PTCD3: variants seen among roughly 807,000 people sequenced by gnomAD.
The protein encoded by PTCD3 is pentatricopeptide repeat domain 3.
PTCD3 carries 89 observed loss-of-function variants against 101.9 expected under a neutral mutation model. That is an observed-to-expected ratio of 0.87 (90% CI 0.74 to 1.04). The LOEUF (loss-of-function observed/expected upper bound fraction) is 1.04, where lower values mean the gene tolerates loss of function less well. Among genes scored for constraint, PTCD3 ranks in the 50% least tolerant of loss-of-function variants. PTCD3 has a pLI of 0.00. For synonymous variants in PTCD3, 296 were observed against 278.5 expected (o/e 1.06, Z -0.63); for missense variants, 870 against 828.2 (o/e 1.05, Z -0.62).
intron 12 of PTCD3, 23 bp from the exon 13 acceptor site, chr2:86,127,138 C>T: frequency 6.3e-7 from 1 of 1,590,712 alleles, no homozygotes; most frequent in Non-Finnish European, 8.6e-7. Flanking sequence ...ATGAAAGATA[C>T]TTCTTGTTTT....
At chr2:86,106,671 C>G (rs1368405861) in intron 1 of PTCD3, among the ~76,000 whole-genome samples, 2 of 152,176 alleles carry the variant, frequency 1.3e-5, no homozygotes, top group Non-Finnish European at 2.9e-5. Flanking sequence ...TAAAAATTAT[C>G]CGCCATTACT....
chr2:86,117,434 T>C (rs1674195162), intron 6 of PTCD3, among the ~76,000 whole-genome samples: 1 of 152,084 alleles, frequency 6.6e-6, no homozygotes, highest in Non-Finnish European at 1.5e-5. Flanking sequence ...ACTACCTCTC[T>C]ATACACATCT....
At chr2:86,118,203 G>C (rs948712632) in intron 6 of PTCD3, among the ~76,000 whole-genome samples, 1 of 152,106 alleles carries the variant, frequency 6.6e-6, no homozygotes, top group African/African-American at 2.4e-5. Context: ...ATCTAGCCTA[G>C]ATCCCTTTAC....
chr2:86,137,446 C>T, intron 23 of PTCD3, 23 bp from the exon 24 acceptor site: 1 of 1,612,742 alleles, frequency 6.2e-7, no homozygotes, highest in African/African-American at 1.3e-5. Flanking sequence ...GCAGTGTAAT[C>T]CTCCATTTTC....
intron 8 of PTCD3, among the ~76,000 whole-genome samples, chr2:86,122,924 C>T (rs988171487): frequency 1.3e-5 from 2 of 152,128 alleles, no homozygotes; most frequent in Non-Finnish European, 2.9e-5. Context: ...ACGTCAGCCT[C>T]ATCCCAGACC....
intron 3 of PTCD3, among the ~76,000 whole-genome samples, chr2:86,109,406 C>A (rs1364110129): frequency 3.8e-4 from 54 of 142,356 alleles, no homozygotes; most frequent in African/African-American, 3.7e-4. Flanking sequence ...GACTCCATCT[C>A]AAAAAAAAAA....
At chr2:86,118,415 C>G (rs980239720) in intron 6 of PTCD3, among the ~76,000 whole-genome samples, 8 of 152,214 alleles carry the variant, frequency 5.3e-5, no homozygotes, top group Non-Finnish European at 4.4e-5. Context: ...ATCCCTACAT[C>G]TCTCTGCTTC....
At chr2:86,131,168 T>G in intron 16 of PTCD3, 62 bp downstream of exon 16, 1 of 1,239,934 alleles carries the variant, frequency 8.1e-7, no homozygotes, top group Non-Finnish European at 1.1e-6. Flanking sequence ...AACTGGAGGG[T>G]TCTCCCTGGT....
rs1170446878 is a variant in PTCD3, at chr2:86,134,397, G to C, written c.1629+20G>C. ...CCAGAGGTAGGCCTGAAACTCACCA[G>C]CCAGTATATCCTCCCATACTGAGGT... On this transcript the variant is annotated intron_variant, in intron 20 of 23. Transcript: ENST00000254630. The C allele has an allele frequency of 1.9e-6, 3 of 1,575,108 alleles. No individual in the cohort carries two copies. The highest frequency in any genetic ancestry group is 2.2e-5 in the South Asian group (2 of 90,112).
At chr2:86,124,833 C>T (rs1674354195) in intron 9 of PTCD3, among the ~76,000 whole-genome samples, 162 bp from the exon 10 acceptor site, 1 of 152,140 alleles carries the variant, frequency 6.6e-6, no homozygotes, top group African/African-American at 2.4e-5. Flanking sequence ...TGATTTTCCC[C>T]ATTTTCAAAA....
At chr2:86,116,690 G>T in intron 5 of PTCD3, 92 bp downstream of exon 5, 1 of 945,310 alleles carries the variant, frequency 1.1e-6, no homozygotes, top group South Asian at 1.4e-5. Context: ...CCTGGGAAAG[G>T]TTTACAAATG....
At chr2:86,130,251 G>T (rs1233571103) in intron 14 of PTCD3, among the ~76,000 whole-genome samples, 2 of 152,020 alleles carry the variant, frequency 1.3e-5, no homozygotes, top group Non-Finnish European at 2.9e-5. Context: ...AGTGAGCCGA[G>T]ATTGTGCCAT....
chr2:86,136,109 T>A, intron 21 of PTCD3: 1 of 492,470 alleles, frequency 2.0e-6, no homozygotes, highest in Admixed American at 2.3e-5. Flanking sequence ...GTGCACAGGA[T>A]GGATTCCCTC....
Position 86,140,493 on chromosome 2 carries a change from A to G in PTCD3, c.*2934A>G, listed in dbSNP as rs1573862289. On this transcript the variant is annotated 3_prime_UTR_variant, in exon 24 of 24. Transcript: ENST00000254630. ...TTTGCATTGCAGTATAGATCTGTGC[A>G]TAGATATATGCATTAAGTGTAGCAA... 1.3e-5 allele frequency: 2 copies of G among 152,200 alleles called. No homozygotes were observed. Among genetic ancestry groups the G allele is most frequent in the East Asian group, 3.8e-4 (2 of 5,200 alleles). 9.4% of individuals were successfully genotyped at this position (152,200 alleles called of 1,614,324 possible). A position where few individuals can be genotyped will look rare whatever the true frequency, so the allele number is the denominator to read the frequency against.
chr2:86,128,724 G>C (rs913741630), intron 14 of PTCD3, among the ~76,000 whole-genome samples: 1 of 152,206 alleles, frequency 6.6e-6, no homozygotes. Context: ...GCTCTGCTCT[G>C]TAGTAGATGG....
rs192138296 is a variant in PTCD3 at position 86,132,714 on chromosome 2, G to T, written c.1373+290G>T. 10 of 328,578 alleles carry T rather than the reference G, an allele frequency of 3.0e-5. No homozygotes were observed. In the East Asian group the frequency reaches 5.1e-4, roughly 17 times the overall value. 20.4% of individuals were successfully genotyped at this position (328,578 alleles called of 1,614,324 possible). On this transcript the variant is annotated intron_variant, in intron 17 of 23. Transcript: ENST00000254630. ...TTACATTTTCAAATTGTTATAGCAG[G>T]GTGAGCCCTGAAGATTTCCTTTCAC...
Position 86,108,665 on chromosome 2 carries a change from G to A in PTCD3, c.194+129G>A, listed in dbSNP as rs116022394. 1.7e-3 allele frequency: 1,573 copies of A among 915,412 alleles called. 14 individuals carry two copies. The African/African-American group carries it at 0.023, about 13-fold the overall frequency. 56.7% of individuals were successfully genotyped at this position (915,412 alleles called of 1,614,324 possible). A position where few individuals can be genotyped will look rare whatever the true frequency, so the allele number is the denominator to read the frequency against. On this transcript the variant is annotated intron_variant, in intron 3 of 23. Coordinates refer to ENST00000254630, the MANE Select transcript of PTCD3 (RefSeq NM_017952.6). ...GCATTCTTGAAGAGAGTAGCTGAGC[G>A]GGGAGAAGCTAGGAGTTTAAAGGAC... is the stretch of plus-strand genomic sequence containing the variant.
chr2:86,118,313 A>G (rs1674212829), intron 6 of PTCD3, among the ~76,000 whole-genome samples: 1 of 152,134 alleles, frequency 6.6e-6, no homozygotes, highest in Non-Finnish European at 1.5e-5. Context: ...GCTTGTCCAT[A>G]CAGTGGTGAG....
chr2:86,128,668 C>T (rs1674441412), intron 14 of PTCD3, among the ~76,000 whole-genome samples: 2 of 152,144 alleles, frequency 1.3e-5, no homozygotes, highest in South Asian at 4.1e-4. Context: ...TTGGGAGGAC[C>T]TCAAGGCTCC....
Sources: gnomAD v4.1 joint callset for allele counts (sites outside exome capture counted in the v4.1 genomes callset) on GRCh38, gnomAD v4.1.1 for gene constraint, MANE v1.5 for transcripts, NCBI Gene and HGNC (gene_info 2026-07-23, HGNC 2026-07-21) for gene names.